Variants in RORA observed in about 807,000 individuals in gnomAD.
RORA encodes the protein RAR related orphan receptor A.
Under a neutral mutation model 69.5 loss-of-function variants are expected in RORA, and 7 were observed. The ratio of observed to expected loss-of-function variants is 0.10; its 90% confidence interval spans 0.06 to 0.19. RORA has a LOEUF of 0.19. Ranked by LOEUF, RORA falls within the 10% of genes least tolerant of loss-of-function variation. RORA has a pLI of 1.00. For synonymous variants in RORA, 261 were observed against 240.8 expected (o/e 1.08, Z -0.78); for missense variants, 457 against 663.0 (o/e 0.69, Z 3.41).
intron 1 of RORA, among the ~76,000 whole-genome samples, chr15:60,869,415 C>T (rs2073527414): frequency 6.6e-6 from 1 of 152,120 alleles, no homozygotes; most frequent in South Asian, 2.1e-4. Flanking sequence ...TCCAGGTGCA[C>T]CTAACAGGAG....
intron 1 of RORA, among the ~76,000 whole-genome samples, chr15:60,996,292 G>A (rs181697589): frequency 6.6e-6 from 1 of 152,066 alleles, no homozygotes; most frequent in African/African-American, 2.4e-5. Context: ...GGCTGGAATC[G>A]AACTCCTGAC....
chr15:60,732,391 C>G (rs2071440838), intron 1 of RORA, among the ~76,000 whole-genome samples: 1 of 152,130 alleles, frequency 6.6e-6, no homozygotes, highest in African/African-American at 2.4e-5. Flanking sequence ...GTGCAGAAGT[C>G]AGGCCAAAGC....
In RORA at chr15:60,532,036, A is replaced by G. The variant is rs562989861; in HGVS notation, c.197-185T>C. 9.5e-4 allele frequency among the ~76,000 whole-genome samples: 145 copies of G among 152,320 alleles called. No individual in the cohort carries two copies. In the Middle Eastern group the frequency reaches 0.014, roughly 14 times the overall value. On this transcript the variant is annotated intron_variant, in intron 2 of 10. Transcript: ENST00000335670. Reference sequence around the variant, plus strand: ...GGACTAAATTATGGCTGCTCGTTATATAATAGCTTTCGGGTTATTAAAATG... The same window carrying G: ...GGACTAAATTATGGCTGCTCGTTATGTAATAGCTTTCGGGTTATTAAAATG...
intron 1 of RORA, among the ~76,000 whole-genome samples, chr15:60,859,941 A>G (rs1393196665): frequency 6.6e-6 from 1 of 152,066 alleles, no homozygotes; most frequent in Non-Finnish European, 1.5e-5. Flanking sequence ...AACTCCTTGA[A>G]GTTCAGTGGC....
Position 60,817,521 on chromosome 15 carries a change from A to G in RORA, c.167-138835T>C, listed in dbSNP as rs574904445. On this transcript the variant is annotated intron_variant, in intron 1 of 10. Coordinates refer to ENST00000335670, the MANE Select transcript of RORA (RefSeq NM_134261.3). ...TACATTACTATTAACTATAGTCCCCAGGCTGTGCACCTGTGCAATACAACA... is the reference window on the plus strand; with the variant it reads ...TACATTACTATTAACTATAGTCCCCGGGCTGTGCACCTGTGCAATACAACA... Among the ~76,000 whole-genome samples, 46 of 152,336 alleles carry G rather than the reference A, an allele frequency of 3.0e-4. No homozygotes were observed. In the East Asian group the frequency reaches 3.5e-3, roughly 11 times the overall value.
At chr15:60,761,134 C>T (rs963621458) in intron 1 of RORA, among the ~76,000 whole-genome samples, 4 of 151,992 alleles carry the variant, frequency 2.6e-5, no homozygotes, top group Non-Finnish European at 5.9e-5. Context: ...TCACAGAGAC[C>T]AACTTCTGCA....
At chr15:61,031,141 G>A (rs1432610605) in intron 1 of RORA, among the ~76,000 whole-genome samples, 3 of 151,882 alleles carry the variant, frequency 2.0e-5, no homozygotes, top group South Asian at 2.1e-4. Flanking sequence ...GAGAAACAAC[G>A]GCATAAAAAT....
chr15:60,963,846 T>C (rs933546256), intron 1 of RORA, among the ~76,000 whole-genome samples: 2 of 152,226 alleles, frequency 1.3e-5, no homozygotes, highest in African/African-American at 2.4e-5. Flanking sequence ...GTAGGAACTC[T>C]TCACAAGCTT....
At chr15:61,152,885 G>T (rs1344086163) in intron 1 of RORA, among the ~76,000 whole-genome samples, 1 of 152,162 alleles carries the variant, frequency 6.6e-6, no homozygotes, top group African/African-American at 2.4e-5. Flanking sequence ...CTGTGGACAG[G>T]CTGCTACTCC....
chr15:61,080,616 A>G (rs1373938502), intron 1 of RORA, among the ~76,000 whole-genome samples: 3 of 152,146 alleles, frequency 2.0e-5, no homozygotes, highest in Admixed American at 6.5e-5. Flanking sequence ...TCCAGATAAG[A>G]AGGAGGAATG....
chr15:61,025,243 G>C (rs1362697422), intron 1 of RORA, among the ~76,000 whole-genome samples: 2 of 152,150 alleles, frequency 1.3e-5, no homozygotes, highest in Non-Finnish European at 1.5e-5. Flanking sequence ...TTCTCCACAG[G>C]CTTCTCAAAT....
At chr15:61,133,253 C>T (rs1028059604) in intron 1 of RORA, among the ~76,000 whole-genome samples, 1 of 152,058 alleles carries the variant, frequency 6.6e-6, no homozygotes, top group African/African-American at 2.4e-5. Flanking sequence ...ACTGCTAATG[C>T]CCTGTGGGGG....
At chr15:60,621,216 T>TATA (rs35729202) in intron 2 of RORA, among the ~76,000 whole-genome samples, 2,965 of 151,078 alleles carry the variant, frequency 0.02, 75 homozygotes, top group African/African-American at 0.065. Flanking sequence ...ATATATATAT[T>TATA]TTTTAAGAAA....
chr15:61,213,126 A>G lies in RORA; in HGVS notation c.166+15927T>C, dbSNP rs182309796. 3.1e-3 allele frequency among the ~76,000 whole-genome samples: 471 copies of G among 151,384 alleles called. 2 individuals are homozygous for G. The highest frequency in any genetic ancestry group is 3.7e-3 in the Non-Finnish European group (249 of 67,864). On this transcript the variant is annotated intron_variant, in intron 1 of 10. Coordinates refer to ENST00000335670, the MANE Select transcript of RORA (RefSeq NM_134261.3). This position sits in a 1 kb window ranked among gnomAD's most constrained non-coding sequence, Gnocchi z 4.1. ...AACCCATGCCTTCTCTCCTCTTCAC[A>G]CTCTACTCCACTACACTGTCCCAGC...
intron 1 of RORA, among the ~76,000 whole-genome samples, chr15:61,022,109 C>T (rs897780192): frequency 1.3e-5 from 2 of 152,140 alleles, no homozygotes; most frequent in Admixed American, 6.5e-5. Context: ...CAGATTTTGC[C>T]TGAATTCAAA....
At position 61,128,982 on chromosome 15, in the gene RORA, A is replaced by G. The variant is rs554461445; in HGVS notation, c.166+100071T>C. On this transcript the variant is annotated intron_variant, in intron 1 of 10. Coordinates refer to ENST00000335670, the MANE Select transcript of RORA (RefSeq NM_134261.3). The surrounding 1 kb of genome is among the most constrained non-coding windows in gnomAD (Gnocchi z 4.5). ...GCCCTTAACCCTTTACAAAATAATA[A>G]CTAGTGTCATGAATTAAAATAGCTG... is the stretch of plus-strand genomic sequence containing the variant. Among the ~76,000 whole-genome samples the G allele has an allele frequency of 6.6e-6, 1 of 152,258 alleles. No homozygotes were observed. The highest frequency in any genetic ancestry group is 1.9e-4 in the East Asian group (1 of 5,182).
intron 1 of RORA, among the ~76,000 whole-genome samples, chr15:60,850,294 T>G (rs1042651589): frequency 3.9e-5 from 6 of 152,108 alleles, no homozygotes; most frequent in African/African-American, 1.4e-4. Context: ...AAAGTATACC[T>G]CCCTGAAATT....
chr15:60,964,857 A>T (rs1893509048), intron 1 of RORA, among the ~76,000 whole-genome samples: 1 of 152,176 alleles, frequency 6.6e-6, no homozygotes, highest in Admixed American at 6.5e-5. Context: ...TGGCTTCAGA[A>T]GCATATGCAA....
intron 1 of RORA, among the ~76,000 whole-genome samples, chr15:60,939,948 A>G (rs1244601576): frequency 6.6e-6 from 1 of 152,208 alleles, no homozygotes; most frequent in East Asian, 1.9e-4. Context: ...GCACTCTGTC[A>G]TGTGCCCGAA....
Sources: gnomAD v4.1 joint callset for allele counts (sites outside exome capture counted in the v4.1 genomes callset) on GRCh38, gnomAD v4.1.1 for gene constraint, Gnocchi (gnomAD v3.1) non-coding constraint, MANE v1.5 for transcripts, NCBI Gene and HGNC (gene_info 2026-07-23, HGNC 2026-07-21) for gene names.